Variants in UNC5C observed in about 807,000 individuals in gnomAD.
The protein encoded by UNC5C is unc-5 netrin receptor C.
Under a neutral mutation model 99.8 loss-of-function variants are expected in UNC5C, and 47 were observed. That is an observed-to-expected ratio of 0.47 (90% CI 0.37 to 0.60). UNC5C has a LOEUF of 0.60. Among genes scored for constraint, UNC5C ranks in the 20% least tolerant of loss-of-function variants. The probability of loss-of-function intolerance (pLI) is 0.00; values close to 1 mark genes in which losing one functional copy is unlikely to be tolerated. For synonymous variants in UNC5C, 487 were observed against 452.2 expected (o/e 1.08, Z -0.98); for missense variants, 1,062 against 1,165.9 (o/e 0.91, Z 1.30).
intron 1 of UNC5C, among the ~76,000 whole-genome samples, chr4:95,542,243 C>T (rs1054388075): frequency 3.3e-5 from 5 of 152,096 alleles, no homozygotes; most frequent in East Asian, 3.9e-4. Flanking sequence ...AAGTTTCACC[C>T]GGCTCCCCTC....
At chr4:95,418,379 T>C (rs530693758) in intron 1 of UNC5C, among the ~76,000 whole-genome samples, 32 of 152,348 alleles carry the variant, frequency 2.1e-4, no homozygotes, top group Admixed American at 6.5e-4. Context: ...TCATTGACAA[T>C]TTTTGTAAAC....
At chr4:95,378,234 C>T (rs974083077) in intron 1 of UNC5C, among the ~76,000 whole-genome samples, 5 of 152,120 alleles carry the variant, frequency 3.3e-5, no homozygotes, top group Admixed American at 6.6e-5. Context: ...GAATTGGCCA[C>T]ATCAAAAGTG....
intron 1 of UNC5C, among the ~76,000 whole-genome samples, chr4:95,520,482 G>A (rs1244189198): frequency 6.6e-6 from 1 of 152,008 alleles, no homozygotes; most frequent in East Asian, 1.9e-4. Context: ...TTCGCCTAAG[G>A]AGATATTCAT....
At chr4:95,302,751 T>C (rs2149404566) in intron 2 of UNC5C, among the ~76,000 whole-genome samples, 1 of 152,364 alleles carries the variant, frequency 6.6e-6, no homozygotes, top group South Asian at 2.1e-4. Flanking sequence ...CATCTATTCA[T>C]TTATTCTTTG....
chr4:95,423,533 A>T (rs558992453), intron 1 of UNC5C, among the ~76,000 whole-genome samples: 1 of 152,392 alleles, frequency 6.6e-6, no homozygotes, highest in South Asian at 2.1e-4. Context: ...ACATTCAAAA[A>T]GACAGAAAAA....
chr4:95,357,301 T>A (rs1744240896), intron 1 of UNC5C, among the ~76,000 whole-genome samples: 1 of 151,986 alleles, frequency 6.6e-6, no homozygotes, highest in African/African-American at 2.4e-5. Context: ...TGCACCCAGA[T>A]AATTTTTTAA....
At chr4:95,337,752 T>G (rs112164472) in intron 1 of UNC5C, among the ~76,000 whole-genome samples, 17 of 152,010 alleles carry the variant, frequency 1.1e-4, no homozygotes, top group African/African-American at 4.1e-4. Context: ...TTTCAAGATG[T>G]TTGTTAACAC....
At chr4:95,450,795 T>C (rs893084780) in intron 1 of UNC5C, among the ~76,000 whole-genome samples, 1 of 152,216 alleles carries the variant, frequency 6.6e-6, no homozygotes, top group African/African-American at 2.4e-5. Context: ...CTTGTCATCA[T>C]GGCTTAAGTA....
Position 95,361,607 on chromosome 4 carries a change from G to A in UNC5C, c.125-25976C>T, listed in dbSNP as rs866750177. Among the ~76,000 whole-genome samples, 4 of 152,202 alleles carry A rather than the reference G, an allele frequency of 2.6e-5. No homozygotes were observed. In the South Asian group the frequency reaches 8.3e-4, roughly 32 times the overall value. On this transcript the variant is annotated intron_variant, in intron 1 of 15. Coordinates refer to ENST00000453304, the MANE Select transcript of UNC5C (RefSeq NM_003728.4). ...AACACACAGTCCTTCAGGCCAAAGT[G>A]CCACTTCACTCTCACCAAAACTAGA...
chr4:95,256,878 G>A (rs952101396), intron 4 of UNC5C, among the ~76,000 whole-genome samples: 7 of 151,956 alleles, frequency 4.6e-5, no homozygotes, highest in Non-Finnish European at 8.8e-5. Context: ...CTTGCTAAAT[G>A]TGCTGCTGAG....
chr4:95,456,305 A>G (rs1747424808), intron 1 of UNC5C, among the ~76,000 whole-genome samples: 1 of 152,180 alleles, frequency 6.6e-6, no homozygotes, highest in Admixed American at 6.6e-5. Flanking sequence ...GTATAAGGAA[A>G]GTATACAAGT....
At chr4:95,235,164 G>A (rs1267945095) in intron 7 of UNC5C, among the ~76,000 whole-genome samples, 1 of 152,128 alleles carries the variant, frequency 6.6e-6, no homozygotes, top group East Asian at 1.9e-4. Context: ...GAATCAATGT[G>A]ACCAAAGTCA....
chr4:95,332,860 A>C (rs1049072138), intron 2 of UNC5C, among the ~76,000 whole-genome samples: 2 of 152,242 alleles, frequency 1.3e-5, no homozygotes, highest in African/African-American at 4.8e-5. Context: ...CAATGAACTC[A>C]AACAAATTTA....
intron 1 of UNC5C, among the ~76,000 whole-genome samples, chr4:95,412,216 A>T (rs1190632088): frequency 1.3e-5 from 2 of 151,886 alleles, no homozygotes; most frequent in East Asian, 3.9e-4. Context: ...TAATGTTCGT[A>T]CCTGTTTCTC....
chr4:95,354,106 A>G, intron 1 of UNC5C, among the ~76,000 whole-genome samples: 1 of 152,106 alleles, frequency 6.6e-6, no homozygotes, highest in African/African-American at 2.4e-5. Context: ...TGACCTACAT[A>G]CTTTTTGAAT....
intron 7 of UNC5C, among the ~76,000 whole-genome samples, chr4:95,223,499 AC>A (rs1738553939): frequency 1.3e-5 from 2 of 152,196 alleles, no homozygotes; most frequent in African/African-American, 4.8e-5. Flanking sequence ...CAAGCTATTT[AC>A]CTATTTGGGG....
intron 12 of UNC5C, among the ~76,000 whole-genome samples, chr4:95,201,000 A>G (rs1434780894): frequency 6.6e-6 from 1 of 152,140 alleles, no homozygotes; most frequent in African/African-American, 2.4e-5. Flanking sequence ...GAGATCCCAG[A>G]GAGCTCTCTC....
At chr4:95,441,072 T>C (rs901991858) in intron 1 of UNC5C, among the ~76,000 whole-genome samples, 1 of 152,188 alleles carries the variant, frequency 6.6e-6, no homozygotes, top group Non-Finnish European at 1.5e-5. Context: ...CTATATACTA[T>C]TGGAATTAAG....
intron 1 of UNC5C, among the ~76,000 whole-genome samples, chr4:95,436,955 C>T (rs1192629570): frequency 1.3e-5 from 2 of 149,468 alleles, no homozygotes; most frequent in African/African-American, 4.9e-5. Flanking sequence ...GAATAAACTG[C>T]CTTTAATCGA....
Sources: gnomAD v4.1 joint callset for allele counts (sites outside exome capture counted in the v4.1 genomes callset) on GRCh38, gnomAD v4.1.1 for gene constraint, MANE v1.5 for transcripts, NCBI Gene and HGNC (gene_info 2026-07-23, HGNC 2026-07-21) for gene names.